SLC35A3: variants seen among roughly 807,000 people sequenced by gnomAD.
The protein encoded by SLC35A3 is solute carrier family 35 member A3, also known as UDP-N-acetylglucosamine transporter.
Under a neutral mutation model 39.0 loss-of-function variants are expected in SLC35A3, and 26 were observed. That is an observed-to-expected ratio of 0.67 (90% CI 0.49 to 0.92). The LOEUF (loss-of-function observed/expected upper bound fraction) is 0.92. SLC35A3 is among the 40% of genes least tolerant of loss of function. The probability of loss-of-function intolerance (pLI) is 0.00; values close to 1 mark genes in which losing one functional copy is unlikely to be tolerated. For synonymous variants in SLC35A3, 135 were observed against 133.1 expected (o/e 1.01, Z -0.10); for missense variants, 299 against 371.6 (o/e 0.80, Z 1.61).
chr1:99,970,501 C>G, intron 1 of SLC35A3: 9 of 1,490,630 alleles, frequency 6.0e-6, no homozygotes, highest in Non-Finnish European at 6.3e-6. Context: ...ACGGGTGGGC[C>G]CGGCTGGGGC....
At chr1:99,982,620 T>TATATATA (rs1318046009) in intron 1 of SLC35A3, among the ~76,000 whole-genome samples, 7 of 152,306 alleles carry the variant, frequency 4.6e-5, no homozygotes, top group South Asian at 4.1e-4. Context: ...GATTTTAGTG[T>TATATATA]GTTTGAAAAT....
In SLC35A3 at chr1:99,986,594, T is replaced by A. The variant is rs548612919; in HGVS notation, c.-18-6943T>A. Among the ~76,000 whole-genome samples the A allele has an allele frequency of 1.2e-4, 19 of 152,138 alleles. No homozygotes were observed. In the South Asian group the frequency reaches 2.7e-3, roughly 22 times the overall value. ...TTTTTATTTATTTATTTATTTATTT[T>A]TTTGATTTTTTGAGACAGGGCCTCT... On this transcript the variant is annotated intron_variant, in intron 1 of 7. Coordinates refer to ENST00000533028, the MANE Select transcript of SLC35A3 (RefSeq NM_012243.3).
At chr1:100,019,849 A>G (rs1351017157) in intron 7 of SLC35A3, among the ~76,000 whole-genome samples, 1 of 152,174 alleles carries the variant, frequency 6.6e-6, no homozygotes, top group African/African-American at 2.4e-5. Flanking sequence ...CTACTGATAC[A>G]ATATCACTGT....
At chr1:100,006,139 T>A (rs767588114) in intron 3 of SLC35A3, among the ~76,000 whole-genome samples, 1 of 152,188 alleles carries the variant, frequency 6.6e-6, no homozygotes, top group African/African-American at 2.4e-5. Flanking sequence ...TCTGGTTCCT[T>A]AGTGGCTTCG....
chr1:99,993,684 G>T lies in SLC35A3; in HGVS notation c.130G>T (p.Val44Phe). The T allele has an allele frequency of 6.2e-7, 1 of 1,613,890 alleles. No homozygotes were observed. The highest frequency in any genetic ancestry group is 8.5e-7 in the Non-Finnish European group (1 of 1,179,902). The change falls in exon 2 of 8, where the codon GTT (valine) becomes TTT (phenylalanine). Residue 44 changes from valine (V) to phenylalanine (F), a missense_variant. By Grantham distance (50) the Val-to-Phe change is conservative. Coordinates refer to ENST00000533028, the MANE Select transcript of SLC35A3 (RefSeq NM_012243.3). ...TCGTTATCTATCTTCTACAGCAGTG[G>T]TTGTTGCTGAACTTTTGAAGATAAT... ...GPRYLSSTAV[V>F]VAELLKIMAC...
intron 1 of SLC35A3, among the ~76,000 whole-genome samples, chr1:99,976,663 G>A (rs1445315816): frequency 2.6e-5 from 4 of 152,196 alleles, no homozygotes; most frequent in Admixed American, 1.3e-4. Context: ...GCAGCAACAT[G>A]GATGGAGCTG....
intron 2 of SLC35A3, among the ~76,000 whole-genome samples, chr1:99,996,429 C>A (rs2101158679): frequency 6.6e-6 from 1 of 152,224 alleles, no homozygotes; most frequent in South Asian, 2.1e-4. Context: ...AAGAAACCTG[C>A]ATGGCAGATA....
At chr1:100,012,931 A>G (rs915220427) in intron 5 of SLC35A3, among the ~76,000 whole-genome samples, 1 of 152,196 alleles carries the variant, frequency 6.6e-6, no homozygotes, top group Non-Finnish European at 1.5e-5. Flanking sequence ...AGCTTGGGCA[A>G]GTTATGTAAC....
intron 1 of SLC35A3, among the ~76,000 whole-genome samples, chr1:99,977,560 G>A (rs1257465192): frequency 7.4e-6 from 1 of 135,754 alleles, no homozygotes; most frequent in East Asian, 2.2e-4. Context: ...AGGAGGAAGG[G>A]AGGAAGGGAG....
intron 6 of SLC35A3, among the ~76,000 whole-genome samples, chr1:100,016,066 T>TG (rs1313345191): frequency 8.2e-6 from 1 of 122,352 alleles, no homozygotes; most frequent in Non-Finnish European, 1.7e-5. Flanking sequence ...TACTTCTATT[T>TG]TTTTTTTTTT....
In SLC35A3 at chr1:100,011,537, A is replaced by G. The variant is rs762587059; in HGVS notation, c.634+4A>G. ...TGGATAAGAAATATTCAGCTTGGTA[A>G]GTTTTAAATGTTTTCTAATATTATT... On this transcript the variant is annotated splice_donor_region_variant and intron_variant, in intron 5 of 7. Coordinates refer to ENST00000533028, the MANE Select transcript of SLC35A3 (RefSeq NM_012243.3). 2.4e-6 allele frequency: 3 copies of G among 1,249,032 alleles called. No homozygotes were observed. Among genetic ancestry groups the G allele is most frequent in the Non-Finnish European group, 3.3e-6 (3 of 907,908 alleles). The allele number at this position is 1,249,032 out of a possible 1,614,324, so 77.4% of individuals were successfully genotyped here.
At position 99,980,419 on chromosome 1, in the gene SLC35A3, C is replaced by T. The variant is rs145281477; in HGVS notation, c.-19+10257C>T. On this transcript the variant is annotated intron_variant, in intron 1 of 7. Coordinates refer to ENST00000533028, the MANE Select transcript of SLC35A3 (RefSeq NM_012243.3). ...AAAGGAGATCTTAGAGATATTAAGT[C>T]GTTTTGTTTCCAAATCAATGCATTT... Among the ~76,000 whole-genome samples the T allele has an allele frequency of 1.7e-3, 257 of 152,208 alleles. 3 individuals are homozygous for T. The highest frequency in any genetic ancestry group is 5.7e-3 in the African/African-American group (237 of 41,540).
At chr1:100,006,106 A>G (rs1454450342) in intron 3 of SLC35A3, among the ~76,000 whole-genome samples, 1 of 152,114 alleles carries the variant, frequency 6.6e-6, no homozygotes, top group African/African-American at 2.4e-5. Context: ...TTCTTTGGCT[A>G]TAATCAATGT....
chr1:100,002,786 T>TC (rs1658901163), intron 3 of SLC35A3, among the ~76,000 whole-genome samples: 1 of 151,864 alleles, frequency 6.6e-6, no homozygotes, highest in African/African-American at 2.4e-5. Flanking sequence ...CGGTTAATTT[T>TC]TTTTTTTTTG....
chr1:100,002,563 A>G (rs1658882654), intron 3 of SLC35A3, among the ~76,000 whole-genome samples: 2 of 150,870 alleles, frequency 1.3e-5, no homozygotes, highest in South Asian at 4.2e-4. Flanking sequence ...CTTTTATTTC[A>G]TCCTTTGTAT....
chr1:99,982,732 C>G (rs1657529111), intron 1 of SLC35A3, among the ~76,000 whole-genome samples: 1 of 152,134 alleles, frequency 6.6e-6, no homozygotes, highest in South Asian at 2.1e-4. Context: ...CTAACCAAGC[C>G]ATCATCCAAA....
chr1:100,001,297 G>T (rs1658780873), intron 3 of SLC35A3, among the ~76,000 whole-genome samples: 1 of 152,020 alleles, frequency 6.6e-6, no homozygotes, highest in African/African-American at 2.4e-5. Context: ...ATCGCTTTTG[G>T]TAATATGGTG....
At chr1:100,014,657 G>A (rs375853460) in intron 5 of SLC35A3, among the ~76,000 whole-genome samples, 15 of 152,292 alleles carry the variant, frequency 9.8e-5, no homozygotes, top group African/African-American at 1.9e-4. Flanking sequence ...CCAAATGTGA[G>A]CAATTTGCAC....
Position 100,011,683 on chromosome 1 carries a change from ATTATTTATTTAT to A in SLC35A3, c.634+193_634+204del, listed in dbSNP as rs143297934. The A allele has an allele frequency of 0.3, 51,464 of 169,834 alleles. 10,582 individuals are homozygous for A. The highest frequency in any genetic ancestry group is 0.46 in the East Asian group (2,787 of 6,020). 10.5% of individuals were successfully genotyped at this position (169,834 alleles called of 1,614,324 possible). A position where few individuals can be genotyped will look rare whatever the true frequency, so the allele number is the denominator to read the frequency against. ...ATGCTCTTGTCTTTTAAAACATTTT[ATTATTTATTTAT>A]TTATTTATTTATTTATTTATTTATT... On this transcript the variant is annotated intron_variant, in intron 5 of 7. Transcript: ENST00000533028.
Sources: allele counts gnomAD v4.1 joint callset (sites outside exome capture counted in the v4.1 genomes callset), GRCh38; gene constraint gnomAD v4.1.1; transcripts MANE v1.5; gene names NCBI Gene and HGNC (gene_info 2026-07-23, HGNC 2026-07-21).